Variants in TSC22D1 observed in about 807,000 individuals in gnomAD.
The protein encoded by TSC22D1 is TSC22 domain family member 1, also known as TSC22 domain family protein 1.
TSC22D1 carries 9 observed loss-of-function variants against 74.2 expected under a neutral mutation model. The ratio of observed to expected loss-of-function variants is 0.12; its 90% confidence interval spans 0.07 to 0.21. The LOEUF (loss-of-function observed/expected upper bound fraction) is 0.21, where lower values mean the gene tolerates loss of function less well. TSC22D1 is among the 10% of genes least tolerant of loss of function. The pLI is 1.00. For missense variants in TSC22D1, 1,427 were observed against 1,304.7 expected (o/e 1.09, Z -1.44); for synonymous variants, 586 against 492.5 (o/e 1.19, Z -2.51).
intron 1 of TSC22D1, among the ~76,000 whole-genome samples, chr13:44,511,131 A>G (rs960588137): frequency 1.3e-5 from 2 of 151,942 alleles, no homozygotes; most frequent in Admixed American, 6.6e-5. Context: ...AAAATACAAA[A>G]TATTAGCCGG....
intron 1 of TSC22D1, among the ~76,000 whole-genome samples, chr13:44,463,248 T>A (rs1877099012): frequency 1.3e-5 from 2 of 152,180 alleles, no homozygotes; most frequent in African/African-American, 4.8e-5. Context: ...CTACATGGTA[T>A]TTCCTAAAAT....
At chr13:44,554,741 A>C (rs1273043273) in intron 1 of TSC22D1, among the ~76,000 whole-genome samples, 1 of 152,086 alleles carries the variant, frequency 6.6e-6, no homozygotes, top group African/African-American at 2.4e-5. Flanking sequence ...TATATAGATA[A>C]ATTCGCTGAT....
chr13:44,446,295 A>C (rs1017570130), intron 1 of TSC22D1, among the ~76,000 whole-genome samples: 7 of 152,222 alleles, frequency 4.6e-5, no homozygotes, highest in African/African-American at 9.7e-5. Flanking sequence ...TTTATGAGAC[A>C]TTCTAGAGTA....
intron 1 of TSC22D1, among the ~76,000 whole-genome samples, chr13:44,526,940 C>T (rs991524766): frequency 2.6e-5 from 4 of 151,928 alleles, no homozygotes; most frequent in Non-Finnish European, 5.9e-5. Flanking sequence ...TTAAAGAAGC[C>T]ACAGATGGTA....
intron 1 of TSC22D1, among the ~76,000 whole-genome samples, chr13:44,572,276 G>A (rs1216980697): frequency 6.6e-6 from 1 of 152,120 alleles, no homozygotes; most frequent in African/African-American, 2.4e-5. Flanking sequence ...TTCAATAAGC[G>A]TTACTGGCAT....
At chr13:44,534,361 T>TA (rs61378692) in intron 1 of TSC22D1, among the ~76,000 whole-genome samples, 4,471 of 107,160 alleles carry the variant, frequency 0.042, 187 homozygotes, top group African/African-American at 0.11. Flanking sequence ...GACCCCGTCT[T>TA]AAAAAAAAAA....
rs1260980783 is a variant in TSC22D1 at position 44,434,218 on chromosome 13, G to A, written c.*408C>T. On this transcript the variant is annotated 3_prime_UTR_variant, in exon 3 of 3. Coordinates refer to ENST00000458659, the MANE Select transcript of TSC22D1 (RefSeq NM_183422.4). ...CCTGGGGGGAGGAGAGGAGAGAGGC[G>A]AGTCCAGTGAGGAGCTCCATCGCTT... The A allele has an allele frequency of 1.2e-5, 17 of 1,433,044 alleles. No individual in the cohort carries two copies. Among genetic ancestry groups the A allele is most frequent in the Admixed American group, 3.3e-5 (1 of 30,282 alleles). 88.8% of individuals were successfully genotyped at this position (1,433,044 alleles called of 1,614,324 possible). A position where few individuals can be genotyped will look rare whatever the true frequency, so the allele number is the denominator to read the frequency against.
intron 1 of TSC22D1, among the ~76,000 whole-genome samples, chr13:44,444,278 CAAAAAAAAAAA>C (rs71070905): frequency 2.8e-4 from 5 of 17,580 alleles, no homozygotes; most frequent in South Asian, 4.2e-3. Flanking sequence ...GACTCTGTCT[CAAAAAAAAAAA>C]AAAAAAAAAA....
At chr13:44,498,892 C>T (rs184466244) in intron 1 of TSC22D1, among the ~76,000 whole-genome samples, 74 of 151,986 alleles carry the variant, frequency 4.9e-4, no homozygotes, top group African/African-American at 1.2e-3. Context: ...ATTTGATACA[C>T]GAAAGAATAC....
rs144544190 is a variant in TSC22D1, at chr13:44,481,327, T to C, written c.2913-45232A>G. ...AAGGAACAGCCACACCACAGCAGTGTAGATGAATGGGTAAAATGAGGAAGA... is the reference window on the plus strand; with the variant it reads ...AAGGAACAGCCACACCACAGCAGTGCAGATGAATGGGTAAAATGAGGAAGA... On this transcript the variant is annotated intron_variant, in intron 1 of 2. Transcript: ENST00000458659. Among the ~76,000 whole-genome samples the C allele has an allele frequency of 1.3e-3, 205 of 152,186 alleles. 1 individual carries two copies. The highest frequency in any genetic ancestry group is 4.6e-3 in the African/African-American group (189 of 41,502).
intron 1 of TSC22D1, among the ~76,000 whole-genome samples, chr13:44,532,202 A>T (rs1880876781): frequency 6.6e-6 from 1 of 152,254 alleles, no homozygotes; most frequent in Non-Finnish European, 1.5e-5. Flanking sequence ...TAAGCTGTGC[A>T]AAATACAAAT....
At chr13:44,511,516 C>A (rs183376550) in intron 1 of TSC22D1, among the ~76,000 whole-genome samples, 2 of 151,994 alleles carry the variant, frequency 1.3e-5, no homozygotes, top group African/African-American at 4.8e-5. Flanking sequence ...TTTTATTTAT[C>A]GCTAACATCT....
At chr13:44,494,985 G>A (rs1270073143) in intron 1 of TSC22D1, among the ~76,000 whole-genome samples, 2 of 152,118 alleles carry the variant, frequency 1.3e-5, no homozygotes, top group African/African-American at 4.8e-5. Context: ...AATTGCACTA[G>A]GGAGGTTTAA....
chr13:44,524,044 G>A (rs980723926), intron 1 of TSC22D1, among the ~76,000 whole-genome samples: 1 of 152,070 alleles, frequency 6.6e-6, no homozygotes. Flanking sequence ...TATTTCCAGT[G>A]CATGAAATAC....
chr13:44,536,891 A>C (rs1462685143), intron 1 of TSC22D1: 2 of 909,704 alleles, frequency 2.2e-6, no homozygotes, highest in Non-Finnish European at 2.6e-6. Flanking sequence ...ACCCCCACGA[A>C]GAATCACCTT....
intron 1 of TSC22D1, among the ~76,000 whole-genome samples, chr13:44,517,844 TA>T (rs1566149855): frequency 1.5e-4 from 4 of 26,212 alleles, no homozygotes; most frequent in African/African-American, 3.3e-4. Context: ...TATATATATA[TA>T]TATATATATA....
chr13:44,511,911 A>C (rs1879741754), intron 1 of TSC22D1, among the ~76,000 whole-genome samples: 1 of 152,200 alleles, frequency 6.6e-6, no homozygotes, highest in Non-Finnish European at 1.5e-5. Flanking sequence ...CAAAGGGCAG[A>C]ATTAGGATCT....
chr13:44,469,615 G>A (rs967124812), intron 1 of TSC22D1, among the ~76,000 whole-genome samples: 6 of 152,230 alleles, frequency 3.9e-5, no homozygotes, highest in African/African-American at 1.4e-4. Flanking sequence ...GTGTTTTAAA[G>A]CACGAATCTT....
At position 44,436,089 on chromosome 13, in the gene TSC22D1, AGAG is replaced by A. The variant is rs1362094679; in HGVS notation, c.2916_2918del (p.Ser973del). ...TGTCAATAGCTACCACACTTGCACCAGAGGAGCTGAAAAAGAGGAGGGAAAAAG... is the reference window on the plus strand; with the variant it reads ...TGTCAATAGCTACCACACTTGCACCAGAGCTGAAAAAGAGGAGGGAAAAAG... On this transcript the variant is annotated inframe_deletion, in exon 2 of 3. Coordinates refer to ENST00000458659, the MANE Select transcript of TSC22D1 (RefSeq NM_183422.4). The A allele has an allele frequency of 1.2e-6, 2 of 1,612,504 alleles. No individual in the cohort carries two copies. The highest frequency in any genetic ancestry group is 1.7e-6 in the Non-Finnish European group (2 of 1,179,628).
Sources: allele counts gnomAD v4.1 joint callset (sites outside exome capture counted in the v4.1 genomes callset), GRCh38; gene constraint gnomAD v4.1.1; transcripts MANE v1.5; gene names NCBI Gene and HGNC (gene_info 2026-07-23, HGNC 2026-07-21).